The following NEDD9 variants were observed in gnomAD, a reference collection of about 807,000 sequenced individuals.
The protein encoded by NEDD9 is enhancer of filamentation 1.
A neutral mutation model predicts 76.6 loss-of-function variants in NEDD9; 26 were observed. The ratio of observed to expected loss-of-function variants is 0.34; its 90% CI spans 0.25 to 0.47. The LOEUF (loss-of-function observed/expected upper bound fraction) is 0.47. Among genes scored for constraint, NEDD9 ranks in the 20% least tolerant of loss-of-function variants. The pLI, the probability that NEDD9 is intolerant of heterozygous loss-of-function variation, is 1.00. For synonymous variants in NEDD9, 392 were observed against 414.2 expected (o/e 0.95, Z 0.65); for missense variants, 937 against 1,058.5 (o/e 0.89, Z 1.59).
chr6:11,352,385 A>T (rs1011846087), intron 1 of NEDD9: 1 of 151,304 alleles, frequency 6.6e-6, no homozygotes, highest in Non-Finnish European at 1.5e-5. Context: ...ATTCACCCAC[A>T]GCCGCTCGGT....
chr6:11,376,165 C>T (rs1216624189), intron 1 of NEDD9, among the ~76,000 whole-genome samples: 1 of 152,172 alleles, frequency 6.6e-6, no homozygotes, highest in Non-Finnish European at 1.5e-5. Context: ...TTGGGTATTT[C>T]TTTATAGTGA....
chr6:11,239,394 CTG>C (rs1314020619), intron 3 of NEDD9, among the ~76,000 whole-genome samples: 2 of 152,108 alleles, frequency 1.3e-5, no homozygotes, highest in African/African-American at 4.8e-5. Flanking sequence ...CTCTCAAAGC[CTG>C]TGTCTTGTCT....
At chr6:11,305,001 C>A in intron 3 of NEDD9, 1 of 1,098,516 alleles carries the variant, frequency 9.1e-7, no homozygotes, top group East Asian at 5.9e-5. Context: ...TTTTTAATGC[C>A]TTCCAGGGAA....
rs953206029 is a variant in NEDD9 at position 11,305,879 on chromosome 6, C to T, written c.12+113G>A. 4.7e-6 allele frequency: 6 copies of T among 1,273,344 alleles called. No homozygotes were observed. The African/African-American group carries it at 8.8e-5, about 19-fold the overall frequency. 78.9% of individuals were successfully genotyped at this position (1,273,344 alleles called of 1,614,324 possible). On this transcript the variant is annotated intron_variant, in intron 3 of 3. Transcript: ENST00000397378. ...CAGTATTTTCCCCAAATGTTAGTTG[C>T]AGGCCCGTATGACAAAAAAACATGA...
At chr6:11,204,779 G>C (rs10947020) in intron 2 of NEDD9, among the ~76,000 whole-genome samples, 3 of 149,524 alleles carry the variant, frequency 2.0e-5, no homozygotes, top group Non-Finnish European at 4.4e-5. Flanking sequence ...AGACTTTTCT[G>C]TGTGGCAGAG....
intron 6 of NEDD9, 149 bp downstream of exon 6, chr6:11,188,069 G>C: frequency 1.5e-6 from 1 of 668,918 alleles, no homozygotes; most frequent in East Asian, 2.7e-5. Flanking sequence ...CCTTCTCTTT[G>C]CTTTTAAACC....
At chr6:11,206,399 A>G (rs541301625) in intron 2 of NEDD9, among the ~76,000 whole-genome samples, 17 of 152,216 alleles carry the variant, frequency 1.1e-4, no homozygotes, top group Non-Finnish European at 1.5e-4. Flanking sequence ...AGCCTGGACA[A>G]CAAGAGTGAA....
chr6:11,319,347 ATG>A (rs1761686659), intron 2 of NEDD9, among the ~76,000 whole-genome samples: 4 of 151,376 alleles, frequency 2.6e-5, no homozygotes, highest in African/African-American at 9.8e-5. Flanking sequence ...ACACACTCAC[ATG>A]CACACTCACA....
intron 2 of NEDD9, among the ~76,000 whole-genome samples, chr6:11,331,212 A>G (rs1038481211): frequency 6.6e-6 from 1 of 152,186 alleles, no homozygotes; most frequent in Admixed American, 6.5e-5. Context: ...AGTTCACCAG[A>G]ATTATGGCAG....
At chr6:11,320,437 T>C (rs558707749) in intron 2 of NEDD9, among the ~76,000 whole-genome samples, 39 of 152,278 alleles carry the variant, frequency 2.6e-4, no homozygotes, top group African/African-American at 6.3e-4. Flanking sequence ...CGTTGCACTA[T>C]TGGTGGAAGA....
intron 1 of NEDD9, among the ~76,000 whole-genome samples, chr6:11,345,541 G>A (rs62395341): frequency 0.018 from 2,813 of 152,202 alleles, 29 homozygotes; most frequent in Middle Eastern, 0.068. Context: ...GTGGAGCCAG[G>A]ATCTCCGCAC....
intron 1 of NEDD9, among the ~76,000 whole-genome samples, chr6:11,369,218 G>A (rs1355008221): frequency 6.6e-6 from 1 of 152,114 alleles, no homozygotes; most frequent in Admixed American, 6.6e-5. Flanking sequence ...TTCCCATGCT[G>A]CAGAGAAAGA....
Position 11,213,461 on chromosome 6 carries a change from T to C in NEDD9, c.279A>G (p.Gln93=), listed in dbSNP as rs772728585. 6.2e-7 allele frequency: 1 copy of C among 1,614,136 alleles called. No homozygotes were observed. Among genetic ancestry groups the C allele is most frequent in the Admixed American group, 1.7e-5 (1 of 60,026 alleles). Residue 93 remains glutamine (Q), a synonymous_variant, in exon 2 of 7, where the codon CAA becomes CAG. Transcript: ENST00000379446. This position sits in a 1 kb window ranked among gnomAD's most constrained non-coding sequence, Gnocchi z 5.4. The part of the protein sequence containing the change: ...QQTFGQQKLY[Q]VPNPQAAPRD... The stretch of plus-strand genomic sequence containing the variant: ...GGGGAGCAGCCTGTGGGTTTGGCAC[T>C]TGATAGAGCTTCTGTTGGCCAAAGG...
chr6:11,263,135 G>A (rs1488584042), intron 3 of NEDD9, among the ~76,000 whole-genome samples: 2 of 152,142 alleles, frequency 1.3e-5, no homozygotes, highest in Non-Finnish European at 1.5e-5. Flanking sequence ...ATATACGTTC[G>A]ATGCAGGGGA....
chr6:11,342,108 T>C (rs1381353758), intron 1 of NEDD9, among the ~76,000 whole-genome samples: 3 of 151,688 alleles, frequency 2.0e-5, no homozygotes, highest in Non-Finnish European at 4.4e-5. Flanking sequence ...AAAAGTGAAG[T>C]TGGAGACACA....
chr6:11,231,642 A>C (rs1332590091), intron 1 of NEDD9, among the ~76,000 whole-genome samples: 1 of 151,668 alleles, frequency 6.6e-6, no homozygotes, highest in African/African-American at 2.4e-5. Context: ...TGTCCAATTC[A>C]TTGCAGTCTG....
chr6:11,374,947 G>T (rs1008792898), intron 1 of NEDD9, among the ~76,000 whole-genome samples: 3 of 152,000 alleles, frequency 2.0e-5, no homozygotes, highest in Middle Eastern at 3.2e-3. Context: ...AGTCACTTTA[G>T]CCCTTTCTTC....
chr6:11,318,824 T>TAAA (rs76779741), intron 2 of NEDD9, among the ~76,000 whole-genome samples: 2 of 147,110 alleles, frequency 1.4e-5, no homozygotes, highest in Admixed American at 6.7e-5. Flanking sequence ...TTTAAAAATG[T>TAAA]AAAAAAAAAA....
chr6:11,365,714 G>A (rs1762750655), intron 1 of NEDD9, among the ~76,000 whole-genome samples: 1 of 152,210 alleles, frequency 6.6e-6, no homozygotes, highest in African/African-American at 2.4e-5. Context: ...ATGGGGCCGG[G>A]CGCAGTGGCT....
Sources: allele counts gnomAD v4.1 joint callset (sites outside exome capture counted in the v4.1 genomes callset), GRCh38; gene constraint gnomAD v4.1.1; non-coding constraint Gnocchi (gnomAD v3.1); transcripts MANE v1.5; gene names NCBI Gene and HGNC (gene_info 2026-07-23, HGNC 2026-07-21).